The following ASCC3 variants were observed in gnomAD, a reference collection of about 807,000 sequenced individuals.
ASCC3 encodes ASC-1 complex subunit P200.
Under a neutral mutation model 256.3 loss-of-function variants are expected in ASCC3, and 158 were observed. That is an observed-to-expected ratio of 0.62 (90% CI 0.54 to 0.70). ASCC3 has a LOEUF of 0.70. ASCC3 is among the 30% of genes least tolerant of loss of function. ASCC3 has a pLI of 0.00. For missense variants in ASCC3, 2,259 were observed against 2,626.0 expected (o/e 0.86, Z 3.05); for synonymous variants, 948 against 883.4 (o/e 1.07, Z -1.30).
intron 30 of ASCC3, among the ~76,000 whole-genome samples, chr6:100,624,646 G>A (rs1390895051): frequency 6.6e-6 from 1 of 151,796 alleles, no homozygotes; most frequent in Non-Finnish European, 1.5e-5. Flanking sequence ...ACTCTATACT[G>A]AGAAAATAAT....
chr6:100,608,097 C>CATATATATTTATATATATGTATATAT (rs1391815541), intron 30 of ASCC3, among the ~76,000 whole-genome samples: 1 of 45,022 alleles, frequency 2.2e-5, no homozygotes, highest in Non-Finnish European at 4.1e-5. Flanking sequence ...TATCTATATA[C>CATATATATTTATATATATGTATATAT]ACATATATAT....
chr6:100,683,493 C>CATGTGTTGAAGCTCAA (rs141370222), intron 13 of ASCC3, among the ~76,000 whole-genome samples: 4,285 of 151,968 alleles, frequency 0.028, 174 homozygotes, highest in East Asian at 0.19. Context: ...TTAAAAATTT[C>CATGTGTTGAAGCTCAA]ATTGAAGTCA....
At chr6:100,800,840 T>A (rs2114346191) in intron 5 of ASCC3, among the ~76,000 whole-genome samples, 1 of 151,678 alleles carries the variant, frequency 6.6e-6, no homozygotes, top group African/African-American at 2.4e-5. Flanking sequence ...TTTTAATAAA[T>A]ATAATAATTA....
intron 30 of ASCC3, among the ~76,000 whole-genome samples, chr6:100,608,181 T>A (rs1333900639): frequency 9.1e-6 from 1 of 109,422 alleles, no homozygotes; most frequent in Non-Finnish European, 1.7e-5. Flanking sequence ...TTTATATATG[T>A]GTGTGTATAT....
intron 10 of ASCC3, among the ~76,000 whole-genome samples, chr6:100,753,867 C>T (rs960560351): frequency 1.3e-5 from 2 of 152,114 alleles, no homozygotes; most frequent in African/African-American, 4.8e-5. Context: ...CCTAAGGTAA[C>T]AGGCTGAACA....
chr6:100,509,334 T>C lies in ASCC3; in HGVS notation c.*52A>G. Reference sequence around the variant, plus strand: ...AAGTAATTCGATTTGTCTAGATGACTGAACAGAGAGAATTCTTAGCCACTC... The same window carrying C: ...AAGTAATTCGATTTGTCTAGATGACCGAACAGAGAGAATTCTTAGCCACTC... On this transcript the variant is annotated 3_prime_UTR_variant, in exon 42 of 42. Transcript: ENST00000369162. The C allele has an allele frequency of 6.2e-7, 1 of 1,607,868 alleles. No individual in the cohort carries two copies. The highest frequency in any genetic ancestry group is 8.5e-7 in the Non-Finnish European group (1 of 1,174,594).
intron 13 of ASCC3, among the ~76,000 whole-genome samples, chr6:100,688,966 T>C (rs1407357361): frequency 6.6e-6 from 1 of 152,144 alleles, no homozygotes; most frequent in Non-Finnish European, 1.5e-5. Flanking sequence ...CACTCTAAAG[T>C]TCTTCATTAT....
chr6:100,528,131 T>G (rs765092289), intron 37 of ASCC3, among the ~76,000 whole-genome samples: 1 of 152,154 alleles, frequency 6.6e-6, no homozygotes, highest in Non-Finnish European at 1.5e-5. Context: ...GATACTGCAC[T>G]TGGCCCATAC....
In ASCC3 at chr6:100,718,184, A is replaced by G; in HGVS notation, c.1970T>C (p.Val657Ala). The G allele has an allele frequency of 6.2e-7, 1 of 1,613,670 alleles. No individual in the cohort carries two copies. Among genetic ancestry groups the G allele is most frequent in the South Asian group, 1.1e-5 (1 of 91,070 alleles). The change falls in exon 12 of 42, where the codon GTT becomes GCT. Residue 657 changes from valine to alanine, a missense_variant. Physicochemically the swap from Val to Ala is moderately conservative, Grantham distance 64. This residue lies in a region of ASCC3 where 1,839 missense variants were observed against 2,206.7 expected (regional missense o/e 0.83). Transcript: ENST00000369162. Reference protein sequence around the residue: ...LSATLPNYLDVATFLHVNPYI... With the variant: ...LSATLPNYLDAATFLHVNPYI... The stretch of plus-strand genomic sequence containing the variant: ...TGGATTAACATGTAAAAATGTGGCA[A>G]CATCGAGGTAGTTAGGTAAAGTTGC...
At chr6:100,530,434 G>T (rs1774810829) in intron 37 of ASCC3, 7 of 844,888 alleles carry the variant, frequency 8.3e-6, no homozygotes, top group Middle Eastern at 2.3e-4. Flanking sequence ...CTTTATATAT[G>T]AGAGAGTGTA....
At chr6:100,758,443 GTGTTCTCAT>G (rs1365825299) in intron 10 of ASCC3, among the ~76,000 whole-genome samples, 14 of 151,992 alleles carry the variant, frequency 9.2e-5, no homozygotes, top group African/African-American at 3.4e-4. Flanking sequence ...CTGTGTCCAT[GTGTTCTCAT>G]TGTTCAATTC....
intron 14 of ASCC3, among the ~76,000 whole-genome samples, chr6:100,663,562 T>C (rs1386834536): frequency 6.6e-6 from 1 of 152,014 alleles, no homozygotes; most frequent in Non-Finnish European, 1.5e-5. Context: ...AAGCACAACA[T>C]TAGTGATGCT....
At position 100,510,080 on chromosome 6, in the gene ASCC3, G is replaced by A. The variant is rs141591240; in HGVS notation, c.6313C>T (p.Pro2105Ser). ...KGKPESCAVT[P>S]RFPKSKDEGW... ...TCGTCTTTTGATTTGGGAAATCGAG[G>A]AGTAACTGCACAGCTCTCTGGCTTT... Residue 2105 changes from proline (P) to serine (S), a missense_variant, in exon 41 of 42, where the codon CCT becomes TCT. Physicochemically the swap from Pro to Ser is moderately conservative, Grantham distance 74 (BLOSUM62 -1). Around this residue, in one of 2 missense-constraint regions of ASCC3, gnomAD observed 1,839 missense variants for 2,206.7 expected, o/e 0.83. Coordinates refer to ENST00000369162, the MANE Select transcript of ASCC3 (RefSeq NM_006828.4). 4 of 1,614,102 alleles carry A rather than the reference G, an allele frequency of 2.5e-6. No homozygotes were observed. Among genetic ancestry groups the A allele is most frequent in the Middle Eastern group, 1.6e-4 (1 of 6,062 alleles).
intron 34 of ASCC3, among the ~76,000 whole-genome samples, chr6:100,593,765 C>G (rs1343819861): frequency 6.6e-6 from 1 of 151,952 alleles, no homozygotes; most frequent in Non-Finnish European, 1.5e-5. Context: ...AAAGTGGTTG[C>G]AGGAACAGCT....
At chr6:100,694,303 G>C (rs961460311) in intron 13 of ASCC3, among the ~76,000 whole-genome samples, 6 of 144,588 alleles carry the variant, frequency 4.1e-5, no homozygotes, top group African/African-American at 1.5e-4. Context: ...CCCATCTCTA[G>C]AATAAATTAA....
chr6:100,802,191 TCTC>T (rs1036304884), intron 5 of ASCC3, among the ~76,000 whole-genome samples: 6 of 151,944 alleles, frequency 3.9e-5, no homozygotes, highest in African/African-American at 1.4e-4. Context: ...AATGTATGGT[TCTC>T]CTTGCTGGGT....
At chr6:100,548,513 G>C (rs1769110643) in intron 36 of ASCC3, among the ~76,000 whole-genome samples, 1 of 151,856 alleles carries the variant, frequency 6.6e-6, no homozygotes, top group Non-Finnish European at 1.5e-5. Context: ...ATATTTTTGA[G>C]TATCTACCAT....
At chr6:100,525,940 G>A (rs1562093871) in intron 37 of ASCC3, among the ~76,000 whole-genome samples, 1 of 152,028 alleles carries the variant, frequency 6.6e-6, no homozygotes. Flanking sequence ...ACAATGATGG[G>A]AAAACCTGAA....
At chr6:100,767,519 A>T (rs563387570) in intron 8 of ASCC3, among the ~76,000 whole-genome samples, 174 bp from the exon 9 acceptor site, 1 of 152,330 alleles carries the variant, frequency 6.6e-6, no homozygotes, top group East Asian at 1.9e-4. Flanking sequence ...ACTGAAAAAT[A>T]TTGTACAATT....
Sources: gnomAD v4.1 joint callset for allele counts (sites outside exome capture counted in the v4.1 genomes callset) on GRCh38, gnomAD v4.1.1 for gene constraint, gnomAD v4.1.1 regional missense constraint, MANE v1.5 for transcripts, NCBI Gene and HGNC (gene_info 2026-07-23, HGNC 2026-07-21) for gene names.